Variants in LARP4B observed in about 807,000 individuals in gnomAD.
LARP4B encodes La ribonucleoprotein 4B, also known as la-related protein 4B.
Under a neutral mutation model 89.8 loss-of-function variants are expected in LARP4B, and 12 were observed. The ratio of observed to expected loss-of-function variants is 0.13; its 90% CI spans 0.09 to 0.22. The LOEUF (loss-of-function observed/expected upper bound fraction) is 0.22. Ranked by LOEUF, LARP4B falls within the 10% of genes least tolerant of loss-of-function variation. LARP4B has a pLI of 1.00. For missense variants in LARP4B, 757 were observed against 947.7 expected (o/e 0.80, Z 2.64); for synonymous variants, 367 against 363.3 (o/e 1.01, Z -0.12).
rs555037175 is a variant in LARP4B, at chr10:809,688, G to A, written c.*3238C>T. The A allele has an allele frequency of 1.2e-4, 18 of 152,722 alleles. No individual in the cohort carries two copies. The highest frequency in any genetic ancestry group is 3.6e-4 in the African/African-American group (15 of 41,568). The allele number at this position is 152,722 out of a possible 1,614,324, so 9.5% of individuals were successfully genotyped here. On this transcript the variant is annotated 3_prime_UTR_variant, in exon 18 of 18. Coordinates refer to ENST00000316157, the MANE Select transcript of LARP4B (RefSeq NM_015155.3). ...AGTCTTAATGAAGCAGAACAAAAAC[G>A]AAACCCTCGAGGAGCGACCACATGA...
the LARP4B span, among the ~76,000 whole-genome samples, chr10:964,999 G>A: frequency 1.3e-5 from 2 of 152,182 alleles, no homozygotes; most frequent in African/African-American, 2.4e-5. Flanking sequence ...ACCCCAGGTG[G>A]GGCCTCCACC....
intron 5 of LARP4B, among the ~76,000 whole-genome samples, chr10:849,838 C>G (rs1025360444): frequency 2.0e-5 from 3 of 152,196 alleles, no homozygotes; most frequent in African/African-American, 2.4e-5. Flanking sequence ...AGGAAAACAT[C>G]AAATTCTAAT....
chr10:882,990 A>C (rs1835730199), intron 3 of LARP4B, among the ~76,000 whole-genome samples: 1 of 152,228 alleles, frequency 6.6e-6, no homozygotes, highest in African/African-American at 2.4e-5. Flanking sequence ...CCACACCTTT[A>C]GGTGCACTAT....
intron 1 of LARP4B, among the ~76,000 whole-genome samples, chr10:917,917 T>C (rs1836867994): frequency 6.6e-6 from 1 of 152,162 alleles, no homozygotes. Flanking sequence ...TCAGTAAAAA[T>C]GGGGACTGGA....
the LARP4B span, among the ~76,000 whole-genome samples, chr10:975,273 A>T: frequency 6.6e-6 from 1 of 152,272 alleles, no homozygotes; most frequent in Admixed American, 6.5e-5. Context: ...TCCTGACGGC[A>T]TCCACCCGTG....
At chr10:943,897 C>G in the LARP4B span, among the ~76,000 whole-genome samples, 1 of 151,924 alleles carries the variant, frequency 6.6e-6, no homozygotes, top group African/African-American at 2.4e-5. Flanking sequence ...TCCCCAGCAC[C>G]TGATACAGGC....
At chr10:895,107 A>G (rs1256724073) in intron 1 of LARP4B, among the ~76,000 whole-genome samples, 1 of 152,218 alleles carries the variant, frequency 6.6e-6, no homozygotes, top group Non-Finnish European at 1.5e-5. Context: ...AACTGCCTGA[A>G]TCCGGGAGGC....
chr10:915,887 A>T (rs1836807121), intron 1 of LARP4B, among the ~76,000 whole-genome samples: 1 of 152,130 alleles, frequency 6.6e-6, no homozygotes, highest in Non-Finnish European at 1.5e-5. Context: ...TTATCTGGCT[A>T]AATGACTATT....
chr10:947,197 G>C, the LARP4B span, among the ~76,000 whole-genome samples: 1 of 152,126 alleles, frequency 6.6e-6, no homozygotes, highest in African/African-American at 2.4e-5. Flanking sequence ...CCAGTCTCCA[G>C]AAGTAAACCT....
intron 1 of LARP4B, among the ~76,000 whole-genome samples, chr10:886,519 T>G (rs1039763819): frequency 1.3e-5 from 2 of 152,384 alleles, no homozygotes; most frequent in Middle Eastern, 3.4e-3. Flanking sequence ...GCAGCATTAT[T>G]CACAATAGTC....
the LARP4B span, chr10:942,320 T>C: frequency 6.6e-6 from 1 of 152,260 alleles, no homozygotes; most frequent in Admixed American, 6.5e-5. Flanking sequence ...TGAAGCTGCC[T>C]GATTGCGTGA....
In LARP4B at chr10:900,768, C is replaced by CCTTG. The variant is rs1457850985; in HGVS notation, c.-39-15009_-39-15008insCAAG. Among the ~76,000 whole-genome samples the CCTTG allele has an allele frequency of 9.6e-4, 141 of 147,474 alleles. No individual in the cohort carries two copies. In the South Asian group the frequency reaches 0.011, roughly 11 times the overall value. On this transcript the variant is annotated intron_variant, in intron 1 of 17. Transcript: ENST00000316157. Reference sequence around the variant, plus strand: ...TCGAGTAGCTGGGACTACAGGTGCACGCCACCACGCTTGGCTAATTTTTGT... The same window carrying CCTTG: ...TCGAGTAGCTGGGACTACAGGTGCACCTTGGCCACCACGCTTGGCTAATTTTTGT...
the LARP4B span, chr10:988,247 G>A: frequency 2.0e-6 from 1 of 489,284 alleles, no homozygotes; most frequent in Non-Finnish European, 3.7e-6. Context: ...TAAAACCCGG[G>A]CGTCCTCTCC....
the LARP4B span, among the ~76,000 whole-genome samples, chr10:975,409 G>A: frequency 6.6e-6 from 1 of 152,214 alleles, no homozygotes; most frequent in African/African-American, 2.4e-5. Context: ...GAATTCAGTT[G>A]CGATTCACTA....
rs1054363989 is a variant in LARP4B at position 820,411 on chromosome 10, C to T, written c.1530+389G>A. ...AAAAACACCGACAAACAAATTGCTC[C>T]GTGGAAGATGCTTACTCTGCTCATT... On this transcript the variant is annotated intron_variant, in intron 14 of 17. Transcript: ENST00000316157. The T allele has an allele frequency of 3.9e-5, 7 of 177,570 alleles. No individual in the cohort carries two copies. The East Asian group carries it at 7.6e-4, about 19-fold the overall frequency. 11.0% of individuals were successfully genotyped at this position (177,570 alleles called of 1,614,324 possible).
the LARP4B span, among the ~76,000 whole-genome samples, chr10:959,342 A>ATCAATCCCACCTCCCCG: frequency 4.3e-3 from 638 of 147,074 alleles, 12 homozygotes; most frequent in African/African-American, 0.016. Flanking sequence ...CCACCTCCTC[A>ATCAATCCCACCTCCCCG]TCAATCCCAC....
At chr10:932,381 C>T (rs551202129), upstream of LARP4B, among the ~76,000 whole-genome samples, 17 of 130,736 alleles carry the variant, frequency 1.3e-4, no homozygotes, top group African/African-American at 4.8e-4. Context: ...AAGGCCCCGG[C>T]CCTGCCCCGA....
intron 5 of LARP4B, among the ~76,000 whole-genome samples, chr10:860,416 A>G (rs1361794814): frequency 2.6e-5 from 4 of 152,170 alleles, no homozygotes; most frequent in Admixed American, 2.6e-4. Context: ...CTGCCTTACC[A>G]TTTCTTAAAA....
chr10:925,786 G>A (rs770656332), intron 1 of LARP4B, among the ~76,000 whole-genome samples: 4 of 152,106 alleles, frequency 2.6e-5, no homozygotes, highest in Non-Finnish European at 5.9e-5. Context: ...CACCCGCCTC[G>A]GCCTCCCAGA....
Sources: gnomAD v4.1 joint callset for allele counts (sites outside exome capture counted in the v4.1 genomes callset) on GRCh38, gnomAD v4.1.1 for gene constraint, MANE v1.5 for transcripts, NCBI Gene and HGNC (gene_info 2026-07-23, HGNC 2026-07-21) for gene names.